C12orf42: variants seen among roughly 807,000 people sequenced by gnomAD.
C12orf42 encodes the protein chromosome 12 open reading frame 42.
C12orf42 carries 25 observed loss-of-function variants against 21.6 expected under a neutral mutation model. That is an observed-to-expected ratio of 1.16 (90% CI 0.84 to 1.62). The LOEUF is 1.62. C12orf42 is among the 40% of genes most tolerant of loss of function. C12orf42 has a pLI of 0.00. For missense variants in C12orf42, 483 were observed against 459.3 expected (o/e 1.05, Z -0.47); for synonymous variants, 174 against 175.0 (o/e 0.99, Z 0.05).
At chr12:103,373,070 TG>T (rs1473285753) in intron 3 of C12orf42, among the ~76,000 whole-genome samples, 1 of 152,172 alleles carries the variant, frequency 6.6e-6, no homozygotes, top group Non-Finnish European at 1.5e-5. Flanking sequence ...GATTCCTCTC[TG>T]GGAAGACACT....
chr12:103,363,565 G>C (rs2044311165), intron 4 of C12orf42, among the ~76,000 whole-genome samples: 1 of 152,038 alleles, frequency 6.6e-6, no homozygotes, highest in East Asian at 1.9e-4. Flanking sequence ...GAACGGATAA[G>C]AATTCACCAA....
intron 2 of C12orf42, among the ~76,000 whole-genome samples, chr12:103,419,988 C>A (rs1310706612): frequency 2.0e-5 from 3 of 151,990 alleles, no homozygotes; most frequent in East Asian, 1.9e-4. Context: ...TTTGCATAAA[C>A]AATTATTGGC....
chr12:103,108,658 A>T, the C12orf42 span, among the ~76,000 whole-genome samples: 2 of 152,188 alleles, frequency 1.3e-5, no homozygotes, highest in African/African-American at 4.8e-5. Flanking sequence ...ATAAGTATTG[A>T]TAGAAGCATT....
the C12orf42 span, among the ~76,000 whole-genome samples, chr12:103,107,281 T>TA: frequency 6.6e-6 from 1 of 151,952 alleles, no homozygotes. Context: ...CTATATATGT[T>TA]ACACATTGGA....
At chr12:103,145,315 G>A in the C12orf42 span, among the ~76,000 whole-genome samples, 3 of 152,030 alleles carry the variant, frequency 2.0e-5, no homozygotes, top group African/African-American at 7.3e-5. Flanking sequence ...TTCCAGTTCA[G>A]TTGCCCTTTG....
the C12orf42 span, among the ~76,000 whole-genome samples, chr12:103,510,843 T>C: frequency 2.0e-5 from 3 of 152,188 alleles, no homozygotes; most frequent in East Asian, 5.8e-4. Flanking sequence ...CCATCCTTAA[T>C]CCCAGCTGCA....
the C12orf42 span, among the ~76,000 whole-genome samples, chr12:103,509,148 G>A: frequency 1.3e-5 from 2 of 152,274 alleles, no homozygotes; most frequent in African/African-American, 2.4e-5. Flanking sequence ...GTTCAGTATA[G>A]CAGCTTTATG....
At chr12:103,062,068 T>A in the C12orf42 span, among the ~76,000 whole-genome samples, 2 of 152,064 alleles carry the variant, frequency 1.3e-5, no homozygotes, top group African/African-American at 4.8e-5. Context: ...CTAAAATAAA[T>A]GAATGGTTTC....
chr12:103,490,914 G>A (rs1955145086), intron 1 of C12orf42, among the ~76,000 whole-genome samples: 1 of 151,826 alleles, frequency 6.6e-6, no homozygotes, highest in Non-Finnish European at 1.5e-5. Flanking sequence ...ATATCTAGTG[G>A]GTAGTAGCAT....
At chr12:103,058,263 T>A in the C12orf42 span, among the ~76,000 whole-genome samples, 1 of 152,170 alleles carries the variant, frequency 6.6e-6, no homozygotes, top group Admixed American at 6.5e-5. Context: ...CCGATGAGCT[T>A]TTTTTCATGT....
chr12:103,099,372 C>A, the C12orf42 span, among the ~76,000 whole-genome samples: 3 of 152,192 alleles, frequency 2.0e-5, no homozygotes, highest in African/African-American at 7.2e-5. Flanking sequence ...AGCTTTATAG[C>A]AGCTCTTTGT....
the C12orf42 span, among the ~76,000 whole-genome samples, chr12:103,221,503 A>C: frequency 1.3e-5 from 2 of 152,202 alleles, no homozygotes; most frequent in African/African-American, 4.8e-5. Flanking sequence ...TTAAAAAGCA[A>C]TTAAATTACT....
the C12orf42 span, among the ~76,000 whole-genome samples, chr12:103,199,321 A>G: frequency 6.6e-6 from 1 of 152,198 alleles, no homozygotes. Context: ...AAAATGAATT[A>G]TAATAATAAT....
intron 1 of C12orf42, among the ~76,000 whole-genome samples, chr12:103,493,204 T>G (rs1337813450): frequency 6.6e-6 from 1 of 152,200 alleles, no homozygotes. Context: ...CCTATTTCTC[T>G]TAGAATAAAA....
chr12:103,240,597 T>A (rs185556069), intron 10 of C12orf42, among the ~76,000 whole-genome samples: 1 of 152,062 alleles, frequency 6.6e-6, no homozygotes, highest in South Asian at 2.1e-4. Context: ...ATAGTTGGAG[T>A]CTTTATTTAA....
At chr12:103,173,370 C>T in the C12orf42 span, among the ~76,000 whole-genome samples, 22 of 152,076 alleles carry the variant, frequency 1.4e-4, no homozygotes, top group African/African-American at 5.3e-4. Context: ...TCACATGGGA[C>T]AGTGCTTCTC....
chr12:103,220,420 A>G, the C12orf42 span, among the ~76,000 whole-genome samples: 72,864 of 151,562 alleles, frequency 0.48, 17,700 homozygotes, highest in East Asian at 0.59. Context: ...TAGAAAAGGG[A>G]GAAAGACTGA....
intron 4 of C12orf42, among the ~76,000 whole-genome samples, chr12:103,280,020 G>T (rs1393874530): frequency 2.0e-5 from 3 of 152,058 alleles, no homozygotes; most frequent in Non-Finnish European, 2.9e-5. Context: ...ACTGATAGAG[G>T]CATTAGGAAT....
At chr12:103,505,590 GC>G in the C12orf42 span, 1 of 326,720 alleles carries the variant, frequency 3.1e-6, no homozygotes, top group Admixed American at 5.7e-5. Context: ...TGGTGGTCTA[GC>G]CCATGTCTGA....
Sources: gnomAD v4.1 joint callset for allele counts (sites outside exome capture counted in the v4.1 genomes callset) on GRCh38, gnomAD v4.1.1 for gene constraint, MANE v1.5 for transcripts, NCBI Gene and HGNC (gene_info 2026-07-23, HGNC 2026-07-21) for gene names.